The following PRKG1 variants were observed in gnomAD, a reference collection of about 807,000 sequenced individuals.
PRKG1 encodes the protein cGMP-dependent protein kinase 1.
Under a neutral mutation model 88.1 loss-of-function variants are expected in PRKG1, and 35 were observed. The observed-to-expected ratio is 0.40, with a 90% CI of 0.30 to 0.53. PRKG1 has a LOEUF of 0.53. Ranked by LOEUF, PRKG1 falls within the 20% of genes least tolerant of loss-of-function variation. The pLI, the probability that PRKG1 is intolerant of heterozygous loss-of-function variation, is 0.59. For missense variants in PRKG1, 540 were observed against 839.8 expected (o/e 0.64, Z 4.41); for synonymous variants, 303 against 292.5 (o/e 1.04, Z -0.37).
At position 52,288,918 on chromosome 10, in the gene PRKG1, A is replaced by G. The variant is rs990719258; in HGVS notation, c.1833-13A>G. The G allele has an allele frequency of 6.3e-7, 1 of 1,598,550 alleles. No homozygotes were observed. The highest frequency in any genetic ancestry group is 1.3e-5 in the African/African-American group (1 of 74,286). ...AAAAATTAGATTTAATAAAACCATT[A>G]TTTTATTTTTAGGGACAATCCATCA... is the stretch of plus-strand genomic sequence containing the variant. On this transcript the variant is annotated splice_polypyrimidine_tract_variant and intron_variant, in intron 15 of 17. Transcript: ENST00000373980.
intron 3 of PRKG1, among the ~76,000 whole-genome samples, chr10:51,743,820 T>C (rs12252462): frequency 0.076 from 11,075 of 146,146 alleles, 477 homozygotes; most frequent in Non-Finnish European, 0.087. Flanking sequence ...AAGATTATTC[T>C]TTTACTGTTT....
chr10:51,811,736 T>C (rs182851678), intron 4 of PRKG1, among the ~76,000 whole-genome samples: 21 of 152,322 alleles, frequency 1.4e-4, no homozygotes, highest in African/African-American at 4.6e-4. Flanking sequence ...TTGCCTTTCC[T>C]ATAGGATATT....
intron 3 of PRKG1, among the ~76,000 whole-genome samples, chr10:51,803,399 T>A (rs1839224339): frequency 6.6e-6 from 1 of 152,058 alleles, no homozygotes; most frequent in Non-Finnish European, 1.5e-5. Flanking sequence ...AAGAAAAAAA[T>A]AGATACAATT....
At chr10:51,515,006 T>C (rs1432526789) in intron 3 of PRKG1, among the ~76,000 whole-genome samples, 1 of 152,136 alleles carries the variant, frequency 6.6e-6, no homozygotes, top group Non-Finnish European at 1.5e-5. Context: ...AGTAGTATCC[T>C]TCCCCCAGTT....
At position 52,234,277 on chromosome 10, in the gene PRKG1, C is replaced by T. The variant is rs563058878; in HGVS notation, c.1077-17293C>T. Among the ~76,000 whole-genome samples, 883 of 152,318 alleles carry T rather than the reference C, an allele frequency of 5.8e-3. 11 individuals are homozygous for T. Among genetic ancestry groups the T allele is most frequent in the African/African-American group, 0.02 (843 of 41,568 alleles). On this transcript the variant is annotated intron_variant, in intron 9 of 17. Coordinates refer to ENST00000373980, the MANE Select transcript of PRKG1 (RefSeq NM_006258.4). Reference sequence around the variant, plus strand: ...GAGTGTCTCTCCTCCTCCAAAGGAACGCAGTTCCTCACCAGCAACGGAACA... The same window carrying T: ...GAGTGTCTCTCCTCCTCCAAAGGAATGCAGTTCCTCACCAGCAACGGAACA...
At chr10:52,144,535 G>A (rs1029255152) in intron 8 of PRKG1, among the ~76,000 whole-genome samples, 2 of 152,202 alleles carry the variant, frequency 1.3e-5, no homozygotes, top group African/African-American at 4.8e-5. Flanking sequence ...CTAGGGCCAG[G>A]CACAGTGGCT....
chr10:52,198,836 A>G (rs961949006), intron 9 of PRKG1, among the ~76,000 whole-genome samples: 2 of 139,588 alleles, frequency 1.4e-5, no homozygotes, highest in African/African-American at 5.5e-5. Flanking sequence ...GTGTGTGTGC[A>G]TGTGTGTGTA....
At chr10:52,009,863 T>C (rs1457451177) in intron 5 of PRKG1, among the ~76,000 whole-genome samples, 1 of 151,950 alleles carries the variant, frequency 6.6e-6, no homozygotes, top group Non-Finnish European at 1.5e-5. Context: ...ACAGAAGTAA[T>C]GTTGCACACC....
chr10:51,563,934 G>A (rs189193703), intron 3 of PRKG1, among the ~76,000 whole-genome samples: 1 of 152,044 alleles, frequency 6.6e-6, no homozygotes, highest in East Asian at 1.9e-4. Context: ...TGAGATAAGT[G>A]TTATGGAAAA....
intron 1 of PRKG1, among the ~76,000 whole-genome samples, chr10:51,130,957 A>G (rs1433989835): frequency 2.0e-5 from 3 of 152,160 alleles, no homozygotes; most frequent in Non-Finnish European, 4.4e-5. Flanking sequence ...AATAGTGATT[A>G]AACTGGACAA....
intron 1 of PRKG1, among the ~76,000 whole-genome samples, chr10:51,086,549 A>C (rs1844251925): frequency 6.6e-6 from 1 of 152,216 alleles, no homozygotes; most frequent in Non-Finnish European, 1.5e-5. Flanking sequence ...TGATATTTGA[A>C]GAGTATCCAT....
At chr10:51,256,560 A>T (rs1220592067) in intron 2 of PRKG1, among the ~76,000 whole-genome samples, 1 of 152,202 alleles carries the variant, frequency 6.6e-6, no homozygotes, top group Non-Finnish European at 1.5e-5. Flanking sequence ...CTCAGACTTC[A>T]GGAAAGTTCA....
intron 5 of PRKG1, among the ~76,000 whole-genome samples, chr10:52,026,705 G>A (rs112743057): frequency 4.6e-5 from 7 of 152,238 alleles, no homozygotes; most frequent in South Asian, 4.1e-4. Flanking sequence ...GGCCAGGCAC[G>A]GTGGCTCACG....
At chr10:52,207,279 G>A (rs1047412904) in intron 9 of PRKG1, among the ~76,000 whole-genome samples, 1 of 152,134 alleles carries the variant, frequency 6.6e-6, no homozygotes, top group Non-Finnish European at 1.5e-5. Context: ...ATGCAGGCTA[G>A]TCTGCTAGGG....
Position 51,614,656 on chromosome 10 carries a change from T to C in PRKG1, c.592+146820T>C, listed in dbSNP as rs75347859. 5.9e-5 allele frequency among the ~76,000 whole-genome samples: 9 copies of C among 152,150 alleles called. No homozygotes were observed. The East Asian group carries it at 1.7e-3, about 29-fold the overall frequency. ...GTCATTGTGGTTTGGTGGTTTACTG[T>C]AGTGGTGGTATTTGAGTTCTTTCTC... On this transcript the variant is annotated intron_variant, in intron 3 of 17. Transcript: ENST00000373980.
chr10:51,095,091 G>A (rs1242188890), intron 1 of PRKG1, among the ~76,000 whole-genome samples: 1 of 152,180 alleles, frequency 6.6e-6, no homozygotes, highest in South Asian at 2.1e-4. Context: ...GTTGCAAAAT[G>A]TACCCCCTTC....
intron 2 of PRKG1, among the ~76,000 whole-genome samples, chr10:51,289,122 C>T (rs551066273): frequency 8.5e-5 from 13 of 152,230 alleles, no homozygotes; most frequent in African/African-American, 2.9e-4. Flanking sequence ...ACATGTAGTA[C>T]ACTTGCACAG....
At chr10:51,898,558 G>C (rs1260910243) in intron 4 of PRKG1, among the ~76,000 whole-genome samples, 1 of 151,986 alleles carries the variant, frequency 6.6e-6, no homozygotes, top group African/African-American at 2.4e-5. Context: ...ATTTTGGCCA[G>C]GCACAGTGGC....
At chr10:51,025,711 G>A (rs1330886195) in intron 1 of PRKG1, among the ~76,000 whole-genome samples, 1 of 152,104 alleles carries the variant, frequency 6.6e-6, no homozygotes, top group African/African-American at 2.4e-5. Flanking sequence ...GGCTGAAACT[G>A]TTCCAGGCAT....
Sources: gnomAD v4.1 joint callset for allele counts (sites outside exome capture counted in the v4.1 genomes callset) on GRCh38, gnomAD v4.1.1 for gene constraint, MANE v1.5 for transcripts, NCBI Gene and HGNC (gene_info 2026-07-23, HGNC 2026-07-21) for gene names.